The following CLEC16A variants were observed in gnomAD, a reference collection of about 807,000 sequenced individuals.
CLEC16A encodes protein CLEC16A.
Under a neutral mutation model 109.5 loss-of-function variants are expected in CLEC16A, and 51 were observed. That is an observed-to-expected ratio of 0.47 (90% confidence interval 0.37 to 0.59). CLEC16A has a LOEUF of 0.59. CLEC16A is among the 20% of genes least tolerant of loss of function. The pLI is 0.00. For missense variants in CLEC16A, 1,339 were observed against 1,394.0 expected (o/e 0.96, Z 0.63); for synonymous variants, 673 against 564.2 (o/e 1.19, Z -2.73).
At chr16:11,129,698 G>A (rs1033540103) in intron 22 of CLEC16A, among the ~76,000 whole-genome samples, 3 of 151,790 alleles carry the variant, frequency 2.0e-5, no homozygotes, top group African/African-American at 7.3e-5. Flanking sequence ...CGCCTCTTCA[G>A]TGGCCTTTTC....
intron 10 of CLEC16A, among the ~76,000 whole-genome samples, chr16:10,984,243 A>G (rs1316507412): frequency 6.6e-6 from 1 of 152,156 alleles, no homozygotes; most frequent in Non-Finnish European, 1.5e-5. Flanking sequence ...GTTTTGGTGT[A>G]TGATGGTCTG....
chr16:11,079,122 G>A, intron 19 of CLEC16A, among the ~76,000 whole-genome samples: 1 of 152,176 alleles, frequency 6.6e-6, no homozygotes, highest in East Asian at 1.9e-4. Context: ...AACCCATTCT[G>A]TGCTTGGCCT....
intron 23 of CLEC16A, among the ~76,000 whole-genome samples, chr16:11,175,066 C>G (rs1369680108): frequency 6.6e-6 from 1 of 152,268 alleles, no homozygotes; most frequent in Non-Finnish European, 1.5e-5. Flanking sequence ...TCCACTTGCT[C>G]TACAGGTACC....
rs114112158 is a variant in CLEC16A at position 11,157,175 on chromosome 16, G to A, written c.2642-9213G>A. Reference sequence around the variant, plus strand: ...AAGTTCCCAGCTATTTTTGTATGTTGGACATGTTATCCGTTGAAAAGCAAT... The same window carrying A: ...AAGTTCCCAGCTATTTTTGTATGTTAGACATGTTATCCGTTGAAAAGCAAT... On this transcript the variant is annotated intron_variant, in intron 22 of 23. Transcript: ENST00000409790. 881 of 1,265,360 alleles carry A rather than the reference G, an allele frequency of 7.0e-4. 8 individuals carry two copies. The African/African-American group carries it at 0.013, about 18-fold the overall frequency. The allele number at this position is 1,265,360 out of a possible 1,614,324, so 78.4% of individuals were successfully genotyped here.
At chr16:11,034,395 ATTC>A (rs1318142440) in intron 13 of CLEC16A, among the ~76,000 whole-genome samples, 1 of 152,138 alleles carries the variant, frequency 6.6e-6, no homozygotes, top group Non-Finnish European at 1.5e-5. Flanking sequence ...CTGTCTAATT[ATTC>A]TTATGCATCT....
intron 13 of CLEC16A, among the ~76,000 whole-genome samples, chr16:11,030,582 C>T (rs960311002): frequency 3.3e-5 from 5 of 152,170 alleles, no homozygotes; most frequent in African/African-American, 9.6e-5. Flanking sequence ...TTTTCGAATC[C>T]TTAGCCCGTT....
Position 11,104,867 on chromosome 16 carries a change from G to A in CLEC16A, c.2117-15748G>A, listed in dbSNP as rs182565506. Among the ~76,000 whole-genome samples, 7 of 152,290 alleles carry A rather than the reference G, an allele frequency of 4.6e-5. No individual in the cohort carries two copies. The East Asian group carries it at 1.4e-3, about 29-fold the overall frequency. On this transcript the variant is annotated intron_variant, in intron 19 of 23. Transcript: ENST00000409790. ...GGCACAAATGGGGTAGAGAGACCCT[G>A]ACCACATCCTGTGGAAGGTCCAGAG...
chr16:11,160,649 A>G (rs1208854313), intron 22 of CLEC16A, among the ~76,000 whole-genome samples: 1 of 152,170 alleles, frequency 6.6e-6, no homozygotes, highest in African/African-American at 2.4e-5. Flanking sequence ...CGCATTAACA[A>G]AGTTTTTTCC....
intron 22 of CLEC16A, among the ~76,000 whole-genome samples, chr16:11,155,976 G>T (rs2054498321): frequency 6.6e-6 from 1 of 152,204 alleles, no homozygotes; most frequent in South Asian, 2.1e-4. Flanking sequence ...GGCCAAACAT[G>T]TCAGTGTAGG....
chr16:10,991,746 C>T (rs114109698), intron 10 of CLEC16A, among the ~76,000 whole-genome samples: 108 of 152,348 alleles, frequency 7.1e-4, no homozygotes, highest in African/African-American at 2.1e-3. Context: ...GGTGGACATC[C>T]GGTCTTGGCC....
chr16:11,038,623 C>A (rs768141810), intron 13 of CLEC16A, among the ~76,000 whole-genome samples: 28 of 152,122 alleles, frequency 1.8e-4, no homozygotes, highest in Non-Finnish European at 2.8e-4. Context: ...CTTCCCCACC[C>A]CCATCTAATA....
intron 22 of CLEC16A, chr16:11,156,588 G>T (rs41372): frequency 7.7e-7 from 1 of 1,304,096 alleles, no homozygotes; most frequent in Non-Finnish European, 1.0e-6. Flanking sequence ...GCTGACTGCC[G>T]CAGTAGAGAG....
chr16:11,015,219 G>A (rs2045671232), intron 11 of CLEC16A, among the ~76,000 whole-genome samples: 1 of 152,218 alleles, frequency 6.6e-6, no homozygotes, highest in Non-Finnish European at 1.5e-5. Context: ...AGCTGGATGA[G>A]GACTGTGAGG....
chr16:11,074,707 T>C (rs1183892200), intron 19 of CLEC16A, among the ~76,000 whole-genome samples: 1 of 152,236 alleles, frequency 6.6e-6, no homozygotes, highest in Non-Finnish European at 1.5e-5. Context: ...CTGTGCCCTC[T>C]TTTGTTGTTG....
At chr16:10,980,358 G>A (rs2043253022) in intron 9 of CLEC16A, among the ~76,000 whole-genome samples, 1 of 152,040 alleles carries the variant, frequency 6.6e-6, no homozygotes, top group Non-Finnish European at 1.5e-5. Flanking sequence ...CGACGGCGCT[G>A]AGCATAAACC....
Position 11,024,432 on chromosome 16 carries a change from T to G in CLEC16A, c.1437-389T>G, listed in dbSNP as rs2046294990. 2.9e-5 allele frequency: 5 copies of G among 170,474 alleles called. No individual in the cohort carries two copies. The Admixed American group carries it at 2.9e-4, about 10-fold the overall frequency. 10.6% of individuals were successfully genotyped at this position (170,474 alleles called of 1,614,324 possible). ...ATTGTTGTTTGTGCCTTGTGTGACATCACACTGTCCTGTTTTCTTCATTGG... is the reference window on the plus strand; with the variant it reads ...ATTGTTGTTTGTGCCTTGTGTGACAGCACACTGTCCTGTTTTCTTCATTGG... On this transcript the variant is annotated intron_variant, in intron 12 of 23. Transcript: ENST00000409790.
At chr16:10,944,886 A>G (rs1162070845) in intron 1 of CLEC16A, 89 bp downstream of exon 1, 1 of 1,317,442 alleles carries the variant, frequency 7.6e-7, no homozygotes, top group Middle Eastern at 2.2e-4. Flanking sequence ...GAGGCGTGAG[A>G]GCGGCGGCGA....
chr16:11,131,709 C>T (rs2053218057), intron 22 of CLEC16A, among the ~76,000 whole-genome samples: 1 of 152,222 alleles, frequency 6.6e-6, no homozygotes, highest in Non-Finnish European at 1.5e-5. Flanking sequence ...TCTGCCTCTT[C>T]TGCTGCTCTC....
intron 18 of CLEC16A, 106 bp from the exon 19 acceptor site, chr16:11,060,796 C>T: frequency 8.2e-7 from 1 of 1,217,716 alleles, no homozygotes; most frequent in Non-Finnish European, 1.1e-6. Flanking sequence ...TATTGCGTTT[C>T]TTTCTTTTTT....
Sources: gnomAD v4.1 joint callset for allele counts (sites outside exome capture counted in the v4.1 genomes callset) on GRCh38, gnomAD v4.1.1 for gene constraint, MANE v1.5 for transcripts, NCBI Gene and HGNC (gene_info 2026-07-23, HGNC 2026-07-21) for gene names.